ARHGAP24: variants seen among roughly 807,000 people sequenced by gnomAD.
ARHGAP24 encodes rho GTPase-activating protein 24.
ARHGAP24 carries 50 observed loss-of-function variants against 76.4 expected under a neutral mutation model. The ratio of observed to expected loss-of-function variants is 0.65; its 90% CI spans 0.52 to 0.83. ARHGAP24 has a LOEUF of 0.83. ARHGAP24 is among the 40% of genes least tolerant of loss of function. ARHGAP24 has a pLI of 0.00. For synonymous variants in ARHGAP24, 345 were observed against 323.3 expected (o/e 1.07, Z -0.72); for missense variants, 930 against 914.2 (o/e 1.02, Z -0.22).
At chr4:85,735,272 T>C (rs1312597418) in intron 3 of ARHGAP24, among the ~76,000 whole-genome samples, 1 of 151,792 alleles carries the variant, frequency 6.6e-6, no homozygotes, top group African/African-American at 2.4e-5. Flanking sequence ...ATAAAAAAAA[T>C]AATAATCTCT....
chr4:85,995,291 A>T lies in ARHGAP24; in HGVS notation c.1637A>T (p.Asp546Val). ...CAGTTCTCCATGATGAACCTTGATG[A>T]CAAGCAGAGCATTGACAGTGCTACC... The part of the protein sequence containing the change: ...HQQFSMMNLD[D>V]KQSIDSATWS... Residue 546 changes from aspartate to valine, a missense_variant, in exon 9 of 10, where the codon GAC becomes GTC. Asp to Val is a radical substitution (Grantham distance 152). Coordinates refer to ENST00000395184, the MANE Select transcript of ARHGAP24 (RefSeq NM_001025616.3). 1 of 1,614,024 alleles carries T rather than the reference A, an allele frequency of 6.2e-7. No homozygotes were observed. Among genetic ancestry groups the T allele is most frequent in the Non-Finnish European group, 8.5e-7 (1 of 1,180,022 alleles).
chr4:85,520,458 G>T (rs905511381), intron 1 of ARHGAP24, among the ~76,000 whole-genome samples: 1 of 152,140 alleles, frequency 6.6e-6, no homozygotes, highest in Non-Finnish European at 1.5e-5. Context: ...TTCTAAGATT[G>T]CCAGTCCTGT....
intron 5 of ARHGAP24, among the ~76,000 whole-genome samples, chr4:85,946,770 T>C (rs1250983682): frequency 6.6e-6 from 1 of 152,234 alleles, no homozygotes; most frequent in Non-Finnish European, 1.5e-5. Flanking sequence ...TTTACTATTG[T>C]GAATAGCACT....
At chr4:85,923,861 A>G (rs1387477109) in intron 4 of ARHGAP24, 91 bp downstream of exon 4, 7 of 1,565,768 alleles carry the variant, frequency 4.5e-6, no homozygotes, top group Admixed American at 3.4e-5. Flanking sequence ...TAGCTCCTGT[A>G]TTCAAGTGGG....
intron 2 of ARHGAP24, among the ~76,000 whole-genome samples, chr4:85,631,587 TC>T (rs1721161016): frequency 6.6e-6 from 1 of 152,150 alleles, no homozygotes; most frequent in African/African-American, 2.4e-5. Context: ...ACAACCGTAA[TC>T]CCCACGTTTT....
chr4:85,849,286 T>C (rs1436857449), intron 3 of ARHGAP24, among the ~76,000 whole-genome samples: 1 of 150,828 alleles, frequency 6.6e-6, no homozygotes, highest in Non-Finnish European at 1.5e-5. Flanking sequence ...GTGATTTTTG[T>C]ACATTGATTT....
At position 85,784,795 on chromosome 4, in the gene ARHGAP24, A is replaced by AT. The variant is rs1443191786; in HGVS notation, c.268+62825dup. ...TTTTCCTTTTTATTTCCATGGCCAC[A>AT]TTCTTGCTCAGAATTTAATTCCCTC... On this transcript the variant is annotated intron_variant, in intron 3 of 9. Coordinates refer to ENST00000395184, the MANE Select transcript of ARHGAP24 (RefSeq NM_001025616.3). 2.0e-5 allele frequency among the ~76,000 whole-genome samples: 3 copies of AT among 152,088 alleles called. No individual in the cohort carries two copies. In the East Asian group the frequency reaches 5.8e-4, roughly 29 times the overall value.
At chr4:85,586,507 G>T (rs1381322054) in intron 2 of ARHGAP24, among the ~76,000 whole-genome samples, 1 of 152,154 alleles carries the variant, frequency 6.6e-6, no homozygotes, top group South Asian at 2.1e-4. Context: ...ACAGAATGAA[G>T]CTTGAATATC....
chr4:85,972,000 A>G lies in ARHGAP24; in HGVS notation c.600-36A>G, dbSNP rs747898783. The G allele has an allele frequency of 1.2e-5, 20 of 1,613,774 alleles. 1 individual carries two copies. The South Asian group carries it at 1.9e-4, about 15-fold the overall frequency. ...CAATAAATAGAATGGTATGAAGTTTACTCCAAAGAATATCTTCACACTTCT... is the reference window on the plus strand; with the variant it reads ...CAATAAATAGAATGGTATGAAGTTTGCTCCAAAGAATATCTTCACACTTCT... On this transcript the variant is annotated intron_variant, in intron 5 of 9. Transcript: ENST00000395184.
At chr4:85,477,292 G>T (rs1384567574) in intron 1 of ARHGAP24, among the ~76,000 whole-genome samples, 6 of 152,022 alleles carry the variant, frequency 3.9e-5, no homozygotes, top group Non-Finnish European at 8.8e-5. Flanking sequence ...TCATCTCAGG[G>T]GTTTGGATTT....
At chr4:85,956,838 C>A (rs13121803) in intron 5 of ARHGAP24, among the ~76,000 whole-genome samples, 1 of 151,928 alleles carries the variant, frequency 6.6e-6, no homozygotes, top group Non-Finnish European at 1.5e-5. Flanking sequence ...AGCTCCAGCC[C>A]TAACAAACAC....
intron 1 of ARHGAP24, among the ~76,000 whole-genome samples, chr4:85,559,487 C>G (rs947979441): frequency 2.6e-5 from 4 of 152,100 alleles, no homozygotes; most frequent in African/African-American, 9.7e-5. Flanking sequence ...TACAATAGAC[C>G]TCTTGAACAT....
At position 85,485,361 on chromosome 4, in the gene ARHGAP24, AAAAAAAAAAAAAAAAATATATATATAT is replaced by A. The variant is rs1315812765; in HGVS notation, c.-21+9804_-21+9830del. Among the ~76,000 whole-genome samples, 4 of 58,984 alleles carry A rather than the reference AAAAAAAAAAAAAAAAATATATATATAT, an allele frequency of 6.8e-5. No individual in the cohort carries two copies. In the East Asian group the frequency reaches 1.7e-3, roughly 25 times the overall value. 38.7% of individuals were successfully genotyped at this position (58,984 alleles called of 152,430 possible). On this transcript the variant is annotated intron_variant, in intron 1 of 9. Transcript: ENST00000395184. ...AGACTCCATCTCAAAAAAAAAAAAA[AAAAAAAAAAAAAAAAATATATATATAT>A]ATATATATATATATATATATATATA...
intron 3 of ARHGAP24, among the ~76,000 whole-genome samples, chr4:85,836,562 C>A (rs879414658): frequency 6.6e-6 from 1 of 152,178 alleles, no homozygotes; most frequent in Non-Finnish European, 1.5e-5. Context: ...GGACACCAGT[C>A]ATATTGGATT....
At chr4:85,577,490 T>C (rs4693118) in intron 2 of ARHGAP24, among the ~76,000 whole-genome samples, 37,698 of 152,044 alleles carry the variant, frequency 0.25, 6,660 homozygotes, top group East Asian at 0.85. Flanking sequence ...CACATTTTGT[T>C]AGTTAGATAG....
At chr4:85,632,917 G>C (rs1721203386) in intron 2 of ARHGAP24, among the ~76,000 whole-genome samples, 1 of 151,868 alleles carries the variant, frequency 6.6e-6, no homozygotes, top group South Asian at 2.1e-4. Flanking sequence ...TATTTACTTA[G>C]ACTTTCATAG....
intron 2 of ARHGAP24, among the ~76,000 whole-genome samples, chr4:85,632,314 A>C (rs561961707): frequency 6.6e-6 from 1 of 152,082 alleles, no homozygotes; most frequent in Non-Finnish European, 1.5e-5. Context: ...TCTGCCACAC[A>C]TAAAGCCTGA....
intron 2 of ARHGAP24, among the ~76,000 whole-genome samples, chr4:85,703,744 G>A (rs533533382): frequency 6.6e-6 from 1 of 152,200 alleles, no homozygotes; most frequent in South Asian, 2.1e-4. Flanking sequence ...TCAGTCTGTG[G>A]TAGGCTGTTA....
chr4:85,677,680 C>T (rs1723032753), intron 2 of ARHGAP24, among the ~76,000 whole-genome samples: 1 of 152,170 alleles, frequency 6.6e-6, no homozygotes, highest in Admixed American at 6.5e-5. Context: ...ATGTGTACAC[C>T]TAGTCTGTTT....
Sources: gnomAD v4.1 joint callset for allele counts (sites outside exome capture counted in the v4.1 genomes callset) on GRCh38, gnomAD v4.1.1 for gene constraint, MANE v1.5 for transcripts, NCBI Gene and HGNC (gene_info 2026-07-23, HGNC 2026-07-21) for gene names.